PCDHA8: variants seen among roughly 807,000 people sequenced by gnomAD.
PCDHA8 encodes the protein protocadherin alpha 8.
In PCDHA8, 53 loss-of-function variants were observed where a neutral mutation model predicts 61.8. That is an observed-to-expected ratio of 0.86 (90% CI 0.69 to 1.08). PCDHA8 has a LOEUF of 1.08. Among genes scored for constraint, PCDHA8 ranks in the 50% least tolerant of loss-of-function variants. The pLI, the probability that PCDHA8 is intolerant of heterozygous loss-of-function variation, is 0.00. For missense variants in PCDHA8, 1,293 were observed against 1,245.0 expected (o/e 1.04, Z -0.58); for synonymous variants, 618 against 556.6 (o/e 1.11, Z -1.55).
At chr5:140,882,294 C>T (rs1554173437) in intron 1 of PCDHA8, 1 of 1,613,662 alleles carries the variant, frequency 6.2e-7, no homozygotes. Flanking sequence ...CAAGGAGGCC[C>T]AAGACCGCGG....
intron 1 of PCDHA8, chr5:140,969,039 A>G: frequency 6.2e-7 from 1 of 1,614,130 alleles, no homozygotes; most frequent in Non-Finnish European, 8.5e-7. Context: ...GAACTGTACA[A>G]ACAAGCCAAC....
chr5:140,906,262 A>AAT (rs2072503500), intron 1 of PCDHA8, among the ~76,000 whole-genome samples: 2 of 152,306 alleles, frequency 1.3e-5, no homozygotes, highest in African/African-American at 4.8e-5. Flanking sequence ...CACCTCCTGA[A>AAT]ATTATAGATA....
At chr5:140,890,781 A>G (rs2153431855) in intron 1 of PCDHA8, among the ~76,000 whole-genome samples, 1 of 152,280 alleles carries the variant, frequency 6.6e-6, no homozygotes, top group African/African-American at 2.4e-5. Context: ...ACCCCATAAG[A>G]TATTAGTATT....
intron 1 of PCDHA8, among the ~76,000 whole-genome samples, chr5:140,973,020 T>A (rs1057155557): frequency 6.6e-6 from 1 of 152,120 alleles, no homozygotes; most frequent in Non-Finnish European, 1.5e-5. Flanking sequence ...TTGTGATTGT[T>A]AATGAGTCAC....
chr5:140,967,116 G>T, intron 1 of PCDHA8: 1 of 1,612,922 alleles, frequency 6.2e-7, no homozygotes, highest in Non-Finnish European at 8.5e-7. Flanking sequence ...CGGCCTCGCT[G>T]CCTGCTCAGC....
At chr5:140,943,267 AAAAAAAAAAAG>A in intron 1 of PCDHA8, among the ~76,000 whole-genome samples, 2 of 150,426 alleles carry the variant, frequency 1.3e-5, no homozygotes, top group South Asian at 2.1e-4. Context: ...CAAAAAAAAA[AAAAAAAAAAAG>A]AAAGAAAGAA....
chr5:140,863,136 G>A (rs1554157813), intron 1 of PCDHA8: 5 of 603,754 alleles, frequency 8.3e-6, no homozygotes, highest in South Asian at 5.5e-5. Context: ...ACCGCCTGCT[G>A]GTGCTGGTGA....
chr5:140,921,377 T>C (rs1368330420), intron 1 of PCDHA8, among the ~76,000 whole-genome samples: 2 of 152,172 alleles, frequency 1.3e-5, no homozygotes, highest in Non-Finnish European at 2.9e-5. Flanking sequence ...TATTTCTACA[T>C]ATTTGATAAA....
At chr5:140,935,520 G>A (rs1404556030) in intron 1 of PCDHA8, among the ~76,000 whole-genome samples, 1 of 152,154 alleles carries the variant, frequency 6.6e-6, no homozygotes, top group Non-Finnish European at 1.5e-5. Context: ...CAGTAGGCAT[G>A]TACAGTCAAA....
At chr5:140,874,647 G>T (rs2055047919) in intron 1 of PCDHA8, among the ~76,000 whole-genome samples, 1 of 152,200 alleles carries the variant, frequency 6.6e-6, no homozygotes, top group Non-Finnish European at 1.5e-5. Context: ...ACTTTTGCTA[G>T]AGTAAAACTT....
In PCDHA8 at chr5:140,843,456, T is replaced by G. The variant is rs2150360448; in HGVS notation, c.2135T>G (p.Val712Gly). 3 of 1,595,898 alleles carry G rather than the reference T, an allele frequency of 1.9e-6. No individual in the cohort carries two copies. The highest frequency in any genetic ancestry group is 3.4e-5 in the Admixed American group (2 of 59,278). ...ATCTGCGCGGTATCCAGCCTGCTGG[T>G]GCTCACGCTGCTGCTGTACACTGCG... ...IAICAVSSLLVLTLLLYTALR... is the reference protein window; with the variant it reads ...IAICAVSSLLGLTLLLYTALR... The change falls in exon 1 of 4, where the codon GTG (valine) becomes GGG (glycine). Residue 712 changes from valine (V) to glycine (G), a missense_variant. Transcript: ENST00000531613.
intron 1 of PCDHA8, among the ~76,000 whole-genome samples, chr5:140,938,203 C>T (rs1181415730): frequency 6.6e-6 from 1 of 152,146 alleles, no homozygotes; most frequent in Non-Finnish European, 1.5e-5. Flanking sequence ...ACGCCAGCCT[C>T]CCAAAGTGCT....
At chr5:140,968,283 A>G in intron 1 of PCDHA8, 1 of 1,613,726 alleles carries the variant, frequency 6.2e-7, no homozygotes, top group Non-Finnish European at 8.5e-7. Flanking sequence ...GAGGTGACCT[A>G]CTCCCTTCTG....
intron 1 of PCDHA8, chr5:140,863,374 A>C: frequency 5.3e-5 from 60 of 1,135,154 alleles, no homozygotes; most frequent in Non-Finnish European, 7.5e-5. Flanking sequence ...GGCGCAGCTC[A>C]CCGAGAGCTC....
rs1777535091 is a variant in PCDHA8 at position 140,841,843 on chromosome 5, T to A, written c.522T>A (p.Ser174=). 16 of 1,613,734 alleles carry A rather than the reference T, an allele frequency of 9.9e-6. No individual in the cohort carries two copies. Among genetic ancestry groups the A allele is most frequent in the Non-Finnish European group, 1.4e-5 (16 of 1,179,818 alleles). ...CCGTGTTAACCTACAGGCTTAGCTC[T>A]CATGATTACTTCATGCTAGATGTGA... The part of the protein sequence containing the change: ...ANSVLTYRLS[S]HDYFMLDVNS... The change falls in exon 1 of 4, where the codon TCT becomes TCA. Residue 174 remains serine, a synonymous_variant. Coordinates refer to ENST00000531613, the MANE Select transcript of PCDHA8 (RefSeq NM_018911.3).
At chr5:141,000,103 G>A (rs551643743) in intron 3 of PCDHA8, among the ~76,000 whole-genome samples, 15 of 152,186 alleles carry the variant, frequency 9.9e-5, no homozygotes, top group Admixed American at 5.2e-4. Context: ...GCTCAACTCC[G>A]TCTCTTCCCT....
rs548429892 is a variant in PCDHA8 at position 140,891,971 on chromosome 5, G to A, written c.2394+48256G>A. Among the ~76,000 whole-genome samples the A allele has an allele frequency of 9.9e-5, 15 of 152,232 alleles. No homozygotes were observed. In the South Asian group the frequency reaches 1.9e-3, roughly 19 times the overall value. On this transcript the variant is annotated intron_variant, in intron 1 of 3. Transcript: ENST00000531613. ...CCAGAATTGTGAGAAGTAAATTTCC[G>A]TTCTCATAAATTACTCAGTCTGTGG...
chr5:140,993,562 C>G (rs1233872464), intron 3 of PCDHA8, among the ~76,000 whole-genome samples: 3 of 150,520 alleles, frequency 2.0e-5, no homozygotes, highest in Non-Finnish European at 4.4e-5. Flanking sequence ...TATATAGTAT[C>G]CTTTCTAGGG....
intron 1 of PCDHA8, chr5:140,861,740 T>C (rs1443034121): frequency 1.3e-5 from 2 of 159,082 alleles, no homozygotes; most frequent in Non-Finnish European, 2.7e-5. Flanking sequence ...TTACATACTG[T>C]GCCGCAATGA....
Sources: gnomAD v4.1 joint callset for allele counts (sites outside exome capture counted in the v4.1 genomes callset) on GRCh38, gnomAD v4.1.1 for gene constraint, MANE v1.5 for transcripts, NCBI Gene and HGNC (gene_info 2026-07-23, HGNC 2026-07-21) for gene names.